MAMDC2: variants seen among roughly 807,000 people sequenced by gnomAD.
MAMDC2 encodes MAM domain-containing protein 2.
In MAMDC2, 57 loss-of-function variants were observed where a neutral mutation model predicts 89.8. The ratio of observed to expected loss-of-function variants is 0.63; its 90% CI spans 0.51 to 0.79. MAMDC2 has a LOEUF of 0.79. MAMDC2 is among the 30% of genes least tolerant of loss of function. MAMDC2 has a pLI of 0.00. For missense variants in MAMDC2, 800 were observed against 820.6 expected, an observed-to-expected ratio of 0.97 and a Z score of 0.31; for synonymous variants, 313 against 293.4, an observed-to-expected ratio of 1.07 and a Z score of -0.68.
At chr9:70,120,910 G>T (rs955151479) in intron 5 of MAMDC2, among the ~76,000 whole-genome samples, 3 of 152,102 alleles carry the variant, frequency 2.0e-5, no homozygotes, top group African/African-American at 7.2e-5. Context: ...TTATCTTTGG[G>T]TGCCGTCTGC....
At chr9:70,056,166 A>T (rs1827020423) in intron 2 of MAMDC2, among the ~76,000 whole-genome samples, 1 of 152,226 alleles carries the variant, frequency 6.6e-6, no homozygotes, top group South Asian at 2.1e-4. Context: ...GTTTACCAAT[A>T]TTTTATGACC....
intron 11 of MAMDC2, 53 bp downstream of exon 11, chr9:70,170,684 T>G (rs1417597284): frequency 6.7e-7 from 1 of 1,498,136 alleles, no homozygotes; most frequent in Non-Finnish European, 8.9e-7. Flanking sequence ...AAAATAGCAT[T>G]CTAGGAATCG....
At chr9:70,073,586 A>G (rs1563941689) in intron 2 of MAMDC2, among the ~76,000 whole-genome samples, 1 of 152,238 alleles carries the variant, frequency 6.6e-6, no homozygotes, top group Non-Finnish European at 1.5e-5. Context: ...AGTTGGAAAA[A>G]ACTACCATTC....
chr9:70,217,220 G>A, intron 11 of MAMDC2: 1 of 809,544 alleles, frequency 1.2e-6, no homozygotes, highest in Non-Finnish European at 2.2e-6. Context: ...TGCAGTTTTA[G>A]TGGGTACAAG....
intron 2 of MAMDC2, among the ~76,000 whole-genome samples, chr9:70,073,735 C>T (rs967721643): frequency 3.9e-5 from 6 of 152,172 alleles, no homozygotes; most frequent in Non-Finnish European, 2.9e-5. Context: ...CTCACCAAGA[C>T]GAGTGCTGGG....
chr9:70,216,105 T>C (rs750367935), intron 11 of MAMDC2, among the ~76,000 whole-genome samples: 6 of 152,262 alleles, frequency 3.9e-5, no homozygotes, highest in Non-Finnish European at 4.4e-5. Context: ...GATCTCTTTA[T>C]TTTTCCCCTT....
chr9:70,078,507 G>A (rs1827585135), intron 2 of MAMDC2, among the ~76,000 whole-genome samples: 1 of 152,172 alleles, frequency 6.6e-6, no homozygotes, highest in South Asian at 2.1e-4. Context: ...GAAGAAAGGG[G>A]ACACGGAGTG....
At position 70,226,656 on chromosome 9, in the gene MAMDC2, C is replaced by T. The variant is rs557586216; in HGVS notation, c.*624C>T. 2.6e-5 allele frequency: 4 copies of T among 152,594 alleles called. No individual in the cohort carries two copies. Among genetic ancestry groups the T allele is most frequent in the Admixed American group, 1.3e-4 (2 of 15,294 alleles). 9.5% of individuals were successfully genotyped at this position (152,594 alleles called of 1,614,324 possible). On this transcript the variant is annotated 3_prime_UTR_variant, in exon 14 of 14. Transcript: ENST00000377182. ...TATTAATTAATGCTGTATTACAAGG[C>T]AATGCTACCTTCTTTATTCCCCCTT...
chr9:70,221,372 T>G lies in MAMDC2; in HGVS notation c.1911+2776T>G, dbSNP rs1446593094. ...CAAACAACAAATATATATATATATA[T>G]ATATATATAGAGAGAGAGAGAGAGA... On this transcript the variant is annotated intron_variant, in intron 12 of 13. Transcript: ENST00000377182. 3.4e-3 allele frequency among the ~76,000 whole-genome samples: 23 copies of G among 6,816 alleles called. 1 individual carries two copies. The highest frequency in any genetic ancestry group is 7.0e-3 in the African/African-American group (18 of 2,578). The allele number at this position is 6,816 out of a possible 152,430, so 4.5% of individuals were successfully genotyped here. A position where few individuals can be genotyped will look rare whatever the true frequency, so the allele number is the denominator to read the frequency against.
At chr9:70,191,217 GT>G (rs1403902998) in intron 11 of MAMDC2, among the ~76,000 whole-genome samples, 1 of 152,134 alleles carries the variant, frequency 6.6e-6, no homozygotes, top group Admixed American at 6.5e-5. Context: ...TATTGTGACA[GT>G]TTTTTTGCAA....
intron 2 of MAMDC2, among the ~76,000 whole-genome samples, chr9:70,058,016 T>C (rs1827063490): frequency 6.6e-6 from 1 of 152,230 alleles, no homozygotes. Context: ...AGATTTCATT[T>C]GAGTTGCTAA....
intron 9 of MAMDC2, among the ~76,000 whole-genome samples, chr9:70,148,922 A>C (rs1166287170): frequency 6.7e-6 from 1 of 148,190 alleles, no homozygotes; most frequent in Non-Finnish European, 1.5e-5. Flanking sequence ...CCAGCTACTC[A>C]GGAGGCTGAG....
chr9:70,199,099 C>A (rs1197745338), intron 11 of MAMDC2, among the ~76,000 whole-genome samples: 3 of 150,202 alleles, frequency 2.0e-5, no homozygotes, highest in Non-Finnish European at 3.0e-5. Flanking sequence ...GGTACATGTG[C>A]ACATTGTACA....
At chr9:70,152,695 G>C (rs991874851) in intron 9 of MAMDC2, among the ~76,000 whole-genome samples, 1 of 152,108 alleles carries the variant, frequency 6.6e-6, no homozygotes, top group African/African-American at 2.4e-5. Context: ...TGGTGTTCTA[G>C]TTTAGAAATA....
At chr9:70,143,514 G>A in intron 8 of MAMDC2, 40 bp from the exon 9 acceptor site, 1 of 1,604,518 alleles carries the variant, frequency 6.2e-7, no homozygotes, top group Non-Finnish European at 8.5e-7. Flanking sequence ...ATCTAGATTA[G>A]ATTATTTTGC....
chr9:70,054,763 C>T (rs577407720), intron 2 of MAMDC2, among the ~76,000 whole-genome samples: 3 of 152,114 alleles, frequency 2.0e-5, no homozygotes, highest in Admixed American at 6.5e-5. Flanking sequence ...CCTTTGTACC[C>T]GTATAATTCC....
intron 2 of MAMDC2, among the ~76,000 whole-genome samples, chr9:70,052,418 T>C (rs1005456556): frequency 3.3e-5 from 5 of 152,234 alleles, no homozygotes; most frequent in African/African-American, 1.2e-4. Context: ...TGTATAATGC[T>C]GCTTTTCTAT....
chr9:70,122,756 TTTTA>T (rs2030341533), intron 5 of MAMDC2, among the ~76,000 whole-genome samples: 1 of 152,222 alleles, frequency 6.6e-6, no homozygotes, highest in Non-Finnish European at 1.5e-5. Flanking sequence ...GTTAAGATTA[TTTTA>T]TTTATTTTTA....
chr9:70,143,944 C>T (rs1049138641), intron 9 of MAMDC2, 125 bp downstream of exon 9: 6 of 1,122,222 alleles, frequency 5.3e-6, no homozygotes, highest in Non-Finnish European at 7.7e-6. Flanking sequence ...CGGCCTCACC[C>T]TTACACCCTA....
Sources: gnomAD v4.1 joint callset for allele counts (sites outside exome capture counted in the v4.1 genomes callset) on GRCh38, gnomAD v4.1.1 for gene constraint, MANE v1.5 for transcripts, NCBI Gene and HGNC (gene_info 2026-07-23, HGNC 2026-07-21) for gene names.